ECT2: variants seen among roughly 807,000 people sequenced by gnomAD.
ECT2 encodes the protein epithelial cell transforming 2.
Under a neutral mutation model 116.9 loss-of-function variants are expected in ECT2, and 61 were observed. The observed-to-expected ratio is 0.52, with a 90% CI of 0.42 to 0.65. The LOEUF is 0.65. ECT2 is among the 30% of genes least tolerant of loss of function. The pLI is 0.00. For synonymous variants in ECT2, 358 were observed against 346.4 expected, an observed-to-expected ratio of 1.03 and a Z score of -0.37; for missense variants, 937 against 1,078.7, an observed-to-expected ratio of 0.87 and a Z score of 1.84.
chr3:172,791,097 T>G (rs746174394), intron 18 of ECT2, among the ~76,000 whole-genome samples: 2 of 152,206 alleles, frequency 1.3e-5, no homozygotes, highest in African/African-American at 2.4e-5. Context: ...GATGTTGCAG[T>G]GAACCAAAAT....
At chr3:172,812,172 C>A (rs1050801124) in intron 22 of ECT2, among the ~76,000 whole-genome samples, 1 of 151,894 alleles carries the variant, frequency 6.6e-6, no homozygotes, top group Non-Finnish European at 1.5e-5. Flanking sequence ...TTAGTAGAGA[C>A]GGGGTTTCAC....
Position 172,802,704 on chromosome 3 carries a change from CTTCT to C in ECT2, c.1986+13_1986+16del, listed in dbSNP as rs1577007090. The C allele has an allele frequency of 6.4e-7, 1 of 1,573,740 alleles. No homozygotes were observed. Among genetic ancestry groups the C allele is most frequent in the Non-Finnish European group, 8.6e-7 (1 of 1,160,816 alleles). On this transcript the variant is annotated intron_variant, in intron 19 of 24. Transcript: ENST00000392692. ...AGTAGATGGATGCCCAGTAAGTATT[CTTCT>C]TTAACAATTATTAATTTATTTTCTT... is the stretch of plus-strand genomic sequence containing the variant.
rs899050361 is a variant in ECT2 at position 172,820,503 on chromosome 3, G to C, written c.*266G>C. On this transcript the variant is annotated 3_prime_UTR_variant, in exon 25 of 25. Coordinates refer to ENST00000392692, the MANE Select transcript of ECT2 (RefSeq NM_001258315.2). ...CATTCAAAGGCCAATAATTTAAGTT[G>C]CTATCAGCTGATATTAGTAGCTTTG... The C allele has an allele frequency of 3.6e-5, 9 of 251,560 alleles. No homozygotes were observed. Among genetic ancestry groups the C allele is most frequent in the African/African-American group, 1.8e-4 (8 of 44,608 alleles). The allele number at this position is 251,560 out of a possible 1,614,324, so 15.6% of individuals were successfully genotyped here. A position where few individuals can be genotyped will look rare whatever the true frequency, so the allele number is the denominator to read the frequency against.
chr3:172,819,417 T>C (rs1279108725), intron 24 of ECT2, among the ~76,000 whole-genome samples: 3 of 152,132 alleles, frequency 2.0e-5, no homozygotes, highest in Non-Finnish European at 4.4e-5. Flanking sequence ...TTAAGACTTC[T>C]CAGGGATGTA....
chr3:172,802,935 C>T lies in ECT2; in HGVS notation c.2061C>T (p.Asp687=), dbSNP rs746268952. 3.7e-6 allele frequency: 6 copies of T among 1,613,090 alleles called. No individual in the cohort carries two copies. The South Asian group carries it at 6.6e-5, about 18-fold the overall frequency. Reference sequence around the variant, plus strand: ...TTTCTCTAGGTGAGCACCCCTGTGACAGAGGAGAACAAGTAACTCTCTTCC... The same window carrying T: ...TTTCTCTAGGTGAGCACCCCTGTGATAGAGGAGAACAAGTAACTCTCTTCC... The part of the protein sequence containing the change: ...ETISLGEHPC[D]RGEQVTLFLF... Residue 687 remains aspartate, a synonymous_variant, in exon 20 of 25, where the codon GAC becomes GAT. Transcript: ENST00000392692.
intron 14 of ECT2, among the ~76,000 whole-genome samples, chr3:172,781,017 AAAT>A (rs1292058536): frequency 6.6e-6 from 1 of 152,108 alleles, no homozygotes; most frequent in Admixed American, 6.6e-5. Context: ...TCATATCTAA[AAAT>A]TTTTTTTCTA....
intron 12 of ECT2, among the ~76,000 whole-genome samples, chr3:172,765,336 C>T (rs1447205098): frequency 1.3e-5 from 2 of 152,084 alleles, no homozygotes; most frequent in African/African-American, 4.8e-5. Context: ...TATGTTCCTC[C>T]TGAGTCATTG....
chr3:172,823,296 C>G (rs961619553), downstream of ECT2, among the ~76,000 whole-genome samples: 1 of 147,538 alleles, frequency 6.8e-6, no homozygotes, highest in Non-Finnish European at 1.5e-5. Context: ...AAGGAGAACT[C>G]CAGTCTCTAA....
intron 21 of ECT2, 157 bp downstream of exon 21, chr3:172,806,026 C>G (rs912460110): frequency 7.0e-6 from 5 of 711,092 alleles, no homozygotes; most frequent in African/African-American, 3.6e-5. Flanking sequence ...TATCCCATCT[C>G]CATCTCTAGG....
At chr3:172,802,006 G>C (rs1178274922) in intron 18 of ECT2, among the ~76,000 whole-genome samples, 1 of 152,168 alleles carries the variant, frequency 6.6e-6, no homozygotes, top group African/African-American at 2.4e-5. Flanking sequence ...TACAGGTTTA[G>C]TGTATTTTAG....
chr3:172,779,935 T>G (rs1722399818), intron 14 of ECT2, among the ~76,000 whole-genome samples: 1 of 151,806 alleles, frequency 6.6e-6, no homozygotes, highest in Non-Finnish European at 1.5e-5. Context: ...ACAATTCAGT[T>G]ATTTTAATAA....
chr3:172,826,671 G>A, the ECT2 span, among the ~76,000 whole-genome samples: 1 of 152,140 alleles, frequency 6.6e-6, no homozygotes, highest in South Asian at 2.1e-4. Context: ...CAACTACTGT[G>A]GCCAACTTCA....
intron 5 of ECT2, 102 bp downstream of exon 5, chr3:172,757,267 G>A (rs1197181333): frequency 2.4e-5 from 20 of 848,416 alleles, no homozygotes; most frequent in Non-Finnish European, 3.2e-5. Flanking sequence ...ATTGCTGAGA[G>A]CAAAATATTT....
intron 14 of ECT2, among the ~76,000 whole-genome samples, chr3:172,775,790 C>T (rs1478009394): frequency 1.3e-5 from 2 of 151,936 alleles, no homozygotes; most frequent in Non-Finnish European, 2.9e-5. Context: ...TGCACCACCA[C>T]GCCTGGCTAA....
chr3:172,757,950 C>T (rs887390698), intron 5 of ECT2, among the ~76,000 whole-genome samples: 16 of 151,282 alleles, frequency 1.1e-4, no homozygotes, highest in East Asian at 3.9e-4. Flanking sequence ...TCTGCTTTCC[C>T]GGGTTCAAGC....
At chr3:172,793,128 A>G (rs1166330371) in intron 18 of ECT2, among the ~76,000 whole-genome samples, 1 of 152,002 alleles carries the variant, frequency 6.6e-6, no homozygotes, top group Admixed American at 6.6e-5. Context: ...CCTTACCAAC[A>G]ATTGGTATGG....
rs1723176137 is a variant in ECT2, at chr3:172,784,019, A to G, written c.1728+110A>G. 4.1e-6 allele frequency: 3 copies of G among 723,120 alleles called. No individual in the cohort carries two copies. In the East Asian group the frequency reaches 8.8e-5, roughly 21 times the overall value. 44.8% of individuals were successfully genotyped at this position (723,120 alleles called of 1,614,324 possible). Reference sequence around the variant, plus strand: ...TAACTTTAGTAAAATGTATCCATTAATATCTGTTAATTTTAGTTGTACTTA... The same window carrying G: ...TAACTTTAGTAAAATGTATCCATTAGTATCTGTTAATTTTAGTTGTACTTA... On this transcript the variant is annotated intron_variant, in intron 16 of 24. Transcript: ENST00000392692.
At chr3:172,795,410 T>C (rs545896478) in intron 18 of ECT2, among the ~76,000 whole-genome samples, 1 of 152,130 alleles carries the variant, frequency 6.6e-6, no homozygotes, top group Non-Finnish European at 1.5e-5. Flanking sequence ...TGTTTGTTGC[T>C]GCTAAATGTT....
chr3:172,815,220 A>C (rs767087469), intron 22 of ECT2, among the ~76,000 whole-genome samples: 2 of 152,194 alleles, frequency 1.3e-5, no homozygotes, highest in Non-Finnish European at 2.9e-5. Flanking sequence ...AAAAGGGTAA[A>C]GTAGGAGAAA....
Sources: gnomAD v4.1 joint callset for allele counts (sites outside exome capture counted in the v4.1 genomes callset) on GRCh38, gnomAD v4.1.1 for gene constraint, MANE v1.5 for transcripts, NCBI Gene and HGNC (gene_info 2026-07-23, HGNC 2026-07-21) for gene names.